Variants in GPR158 observed in about 807,000 individuals in gnomAD.
The protein encoded by GPR158 is G protein-coupled receptor 158.
In GPR158, 30 loss-of-function variants were observed where a neutral mutation model predicts 78.2. The ratio of observed to expected loss-of-function variants is 0.38; its 90% confidence interval spans 0.29 to 0.52. The LOEUF (loss-of-function observed/expected upper bound fraction) is 0.52, where lower values mean the gene tolerates loss of function less well. GPR158 is among the 20% of genes least tolerant of loss of function. GPR158 has a pLI of 0.83. For synonymous variants in GPR158, 581 were observed against 591.1 expected, an observed-to-expected ratio of 0.98 and a Z score of 0.25; for missense variants, 1,463 against 1,523.5, an observed-to-expected ratio of 0.96 and a Z score of 0.66.
chr10:25,314,233 T>C lies in GPR158; in HGVS notation c.1009-81678T>C, dbSNP rs537343011. Reference sequence around the variant, plus strand: ...CTCCTCCCTCAGCCTCCCGAGTAGCTGGGACTACATGCGTGCACCACTGTG... The same window carrying C: ...CTCCTCCCTCAGCCTCCCGAGTAGCCGGGACTACATGCGTGCACCACTGTG... On this transcript the variant is annotated intron_variant, in intron 2 of 10. Transcript: ENST00000376351. 4.6e-5 allele frequency among the ~76,000 whole-genome samples: 7 copies of C among 152,224 alleles called. No individual in the cohort carries two copies. In the South Asian group the frequency reaches 1.2e-3, roughly 27 times the overall value.
At chr10:25,423,869 A>C (rs1261910566) in intron 4 of GPR158, among the ~76,000 whole-genome samples, 1 of 152,040 alleles carries the variant, frequency 6.6e-6, no homozygotes, top group Non-Finnish European at 1.5e-5. Context: ...CTTTATAGTA[A>C]CATGATTTAT....
chr10:25,570,988 G>A (rs6482496), intron 6 of GPR158, among the ~76,000 whole-genome samples: 41,683 of 152,040 alleles, frequency 0.27, 10,630 homozygotes, highest in African/African-American at 0.65. Context: ...TTAATATTTA[G>A]TTATAACAGT....
chr10:25,435,368 G>C (rs985060091), intron 4 of GPR158, among the ~76,000 whole-genome samples: 3 of 152,190 alleles, frequency 2.0e-5, no homozygotes, highest in South Asian at 2.1e-4. Context: ...GGTTGTTTCT[G>C]AAGATTTCTC....
intron 2 of GPR158, among the ~76,000 whole-genome samples, chr10:25,392,993 A>T (rs1834321361): frequency 6.6e-6 from 1 of 152,190 alleles, no homozygotes; most frequent in South Asian, 2.1e-4. Flanking sequence ...CTTTGAGATC[A>T]TAAAATTATT....
chr10:25,372,529 T>A (rs1362307630), intron 2 of GPR158, among the ~76,000 whole-genome samples: 1 of 145,850 alleles, frequency 6.9e-6, no homozygotes, highest in Non-Finnish European at 1.5e-5. Flanking sequence ...TATGCAGCCA[T>A]AAAAAATGAT....
intron 5 of GPR158, among the ~76,000 whole-genome samples, chr10:25,494,551 G>A (rs576201364): frequency 7.2e-5 from 11 of 152,248 alleles, no homozygotes; most frequent in African/African-American, 1.4e-4. Flanking sequence ...ACCTGTAGGC[G>A]TAAGTATTCA....
At chr10:25,256,873 A>G (rs1170375052) in intron 2 of GPR158, among the ~76,000 whole-genome samples, 3 of 152,186 alleles carry the variant, frequency 2.0e-5, no homozygotes, top group Admixed American at 6.6e-5. Flanking sequence ...TTCTAGCAGA[A>G]TAAACATAAT....
chr10:25,251,356 A>C (rs1484915407), intron 2 of GPR158, among the ~76,000 whole-genome samples: 1 of 151,190 alleles, frequency 6.6e-6, no homozygotes, highest in Admixed American at 6.6e-5. Flanking sequence ...TCCTGTCATT[A>C]TGATGTTAGC....
At chr10:25,261,898 A>G (rs1853973280) in intron 2 of GPR158, among the ~76,000 whole-genome samples, 1 of 152,132 alleles carries the variant, frequency 6.6e-6, no homozygotes, top group Admixed American at 6.6e-5. Flanking sequence ...ATGTTAATTG[A>G]CCATAACATG....
chr10:25,193,835 C>G (rs1418429455), intron 1 of GPR158, among the ~76,000 whole-genome samples: 1 of 151,306 alleles, frequency 6.6e-6, no homozygotes, highest in Non-Finnish European at 1.5e-5. Context: ...CCTAATTGCT[C>G]CATTCTCAAG....
intron 2 of GPR158, among the ~76,000 whole-genome samples, chr10:25,269,112 A>G (rs1854082308): frequency 6.6e-6 from 1 of 152,288 alleles, no homozygotes; most frequent in African/African-American, 2.4e-5. Context: ...CATGGTTAAC[A>G]CTTCATTCAG....
At chr10:25,596,403 G>A (rs866873110) in intron 9 of GPR158, among the ~76,000 whole-genome samples, 1 of 152,128 alleles carries the variant, frequency 6.6e-6, no homozygotes, top group African/African-American at 2.4e-5. Flanking sequence ...AGGCTGCTGC[G>A]TGCTATGACC....
chr10:25,529,698 G>A (rs985440255), intron 5 of GPR158, among the ~76,000 whole-genome samples: 1 of 152,178 alleles, frequency 6.6e-6, no homozygotes, highest in South Asian at 2.1e-4. Flanking sequence ...TGAAGATTGA[G>A]ATGGGGTTAA....
At chr10:25,465,825 T>C (rs1303036204) in intron 4 of GPR158, among the ~76,000 whole-genome samples, 2 of 152,182 alleles carry the variant, frequency 1.3e-5, no homozygotes, top group Non-Finnish European at 2.9e-5. Context: ...ATTTTAGAAA[T>C]ACAGGCAAGA....
intron 4 of GPR158, among the ~76,000 whole-genome samples, chr10:25,443,103 G>A (rs1049093179): frequency 6.7e-6 from 1 of 149,946 alleles, no homozygotes; most frequent in African/African-American, 2.5e-5. Context: ...TTTTTTTTAA[G>A]AGACAGGGTA....
intron 2 of GPR158, among the ~76,000 whole-genome samples, chr10:25,262,886 GA>G (rs2130735127): frequency 6.6e-6 from 1 of 152,276 alleles, no homozygotes; most frequent in South Asian, 2.1e-4. Flanking sequence ...TGCCTATTTT[GA>G]AATTGGGTTG....
At chr10:25,364,691 T>C (rs1028578185) in intron 2 of GPR158, among the ~76,000 whole-genome samples, 1 of 151,932 alleles carries the variant, frequency 6.6e-6, no homozygotes, top group Non-Finnish European at 1.5e-5. Flanking sequence ...GAATAATTTT[T>C]CTCTTCTGCA....
intron 4 of GPR158, among the ~76,000 whole-genome samples, chr10:25,463,446 T>G (rs1266990353): frequency 6.6e-6 from 1 of 151,578 alleles, no homozygotes; most frequent in Non-Finnish European, 1.5e-5. Context: ...TGGACAGATA[T>G]ATAGATGAGG....
chr10:25,195,516 C>A (rs924618927), intron 1 of GPR158, among the ~76,000 whole-genome samples: 2 of 152,102 alleles, frequency 1.3e-5, no homozygotes, highest in African/African-American at 4.8e-5. Context: ...AGCCCAACTT[C>A]TTAAATCAAT....
Sources: gnomAD v4.1 joint callset for allele counts (sites outside exome capture counted in the v4.1 genomes callset) on GRCh38, gnomAD v4.1.1 for gene constraint, MANE v1.5 for transcripts, NCBI Gene and HGNC (gene_info 2026-07-23, HGNC 2026-07-21) for gene names.